Variants in SNAI3 observed in about 807,000 individuals in gnomAD.
SNAI3 encodes the protein zinc finger protein SNAI3.
SNAI3 carries 21 observed loss-of-function variants against 16.4 expected under a neutral mutation model. That is an observed-to-expected ratio of 1.28 (90% confidence interval 0.91 to 1.85). The LOEUF is 1.85. Among genes scored for constraint, SNAI3 ranks in the 40% most tolerant of loss-of-function variants. SNAI3 has a pLI of 0.00. For missense variants in SNAI3, 457 were observed against 372.8 expected, an observed-to-expected ratio of 1.23 and a Z score of -1.86; for synonymous variants, 202 against 166.6, an observed-to-expected ratio of 1.21 and a Z score of -1.64.
In SNAI3 at chr16:88,678,329, A is replaced by T; in HGVS notation, c.*119T>A. ...TTCTGATTGGACGCAGATGTGGAGG[A>T]CGCACCAAGTGTGAGGCCAGGCCCC... On this transcript the variant is annotated 3_prime_UTR_variant, in exon 3 of 3. Coordinates refer to ENST00000332281, the MANE Select transcript of SNAI3 (RefSeq NM_178310.4). 1 of 601,342 alleles carries T rather than the reference A, an allele frequency of 1.7e-6. No individual in the cohort carries two copies. 37.3% of individuals were successfully genotyped at this position (601,342 alleles called of 1,614,324 possible).
Position 88,684,655 on chromosome 16 carries a change from C to T in SNAI3, c.76+1676G>A, listed in dbSNP as rs546820060. Among the ~76,000 whole-genome samples, 20 of 152,248 alleles carry T rather than the reference C, an allele frequency of 1.3e-4. 1 individual carries two copies. The South Asian group carries it at 3.7e-3, about 28-fold the overall frequency. ...GGATTATAGGCACCCGCCAGCACACCGGGGTAACTTCTGTATTTTTAGTAG... is the reference window on the plus strand; with the variant it reads ...GGATTATAGGCACCCGCCAGCACACTGGGGTAACTTCTGTATTTTTAGTAG... On this transcript the variant is annotated intron_variant, in intron 1 of 2. Transcript: ENST00000332281.
Position 88,681,751 on chromosome 16 carries a change from A to G in SNAI3, c.77-37T>C. ...GAGGGGAGAGAATAGAAAGATGAAG[A>G]CTGAATCCCCAGCACTTTGTGTTTT... On this transcript the variant is annotated intron_variant, in intron 1 of 2. Coordinates refer to ENST00000332281, the MANE Select transcript of SNAI3 (RefSeq NM_178310.4). The surrounding 1 kb of genome is among the most constrained non-coding windows in gnomAD (Gnocchi z 5.4). 3.6e-6 allele frequency: 5 copies of G among 1,380,840 alleles called. No homozygotes were observed. The highest frequency in any genetic ancestry group is 5.5e-5 in the Admixed American group (2 of 36,376). 85.5% of individuals were successfully genotyped at this position (1,380,840 alleles called of 1,614,324 possible).
At position 88,686,432 on chromosome 16, in the gene SNAI3, G is replaced by A. The variant is rs1909366620; in HGVS notation, c.-26C>T. ...GTTCCCCTCCCGGGCGGCAGGCCGG[G>A]GTGGGCTGGGGCGGGAGGGGCGCGC... On this transcript the variant is annotated 5_prime_UTR_variant, in exon 1 of 3. Transcript: ENST00000332281. The A allele has an allele frequency of 1.9e-6, 3 of 1,604,780 alleles. No individual in the cohort carries two copies. Among genetic ancestry groups the A allele is most frequent in the South Asian group, 1.1e-5 (1 of 90,744 alleles).
intron 1 of SNAI3, 93 bp downstream of exon 1, chr16:88,686,238 G>A (rs1285685124): frequency 6.8e-7 from 1 of 1,465,798 alleles, no homozygotes; most frequent in African/African-American, 1.4e-5. Context: ...TGGGACAGGT[G>A]TCTCCCCAGC....
chr16:88,680,033 A>G (rs931388775), intron 2 of SNAI3, among the ~76,000 whole-genome samples: 1 of 151,730 alleles, frequency 6.6e-6, no homozygotes, highest in Non-Finnish European at 1.5e-5. Context: ...GTGAGCTGCA[A>G]TCAAACCACT....
Position 88,686,481 on chromosome 16 carries a change from C to T in SNAI3, c.-75G>A. On this transcript the variant is annotated 5_prime_UTR_variant, in exon 1 of 3. Transcript: ENST00000332281. Reference sequence around the variant, plus strand: ...GCCTGGGTCCGGACTGCTGCGTCCGCCGGCGCTTGAAGGGGTCAGGCTCAT... The same window carrying T: ...GCCTGGGTCCGGACTGCTGCGTCCGTCGGCGCTTGAAGGGGTCAGGCTCAT... The T allele has an allele frequency of 6.4e-7, 1 of 1,567,862 alleles. No individual in the cohort carries two copies. The highest frequency in any genetic ancestry group is 2.3e-5 in the East Asian group (1 of 43,002).
chr16:88,683,921 A>G (rs1278272607), intron 1 of SNAI3, among the ~76,000 whole-genome samples: 3 of 152,206 alleles, frequency 2.0e-5, no homozygotes, highest in African/African-American at 7.2e-5. Flanking sequence ...AACACATGCA[A>G]AGATGCTCAA....
Position 88,681,853 on chromosome 16 carries a change from G to C in SNAI3, c.77-139C>G. 1 of 1,006,164 alleles carries C rather than the reference G, an allele frequency of 9.9e-7. No homozygotes were observed. The highest frequency in any genetic ancestry group is 3.1e-5 in the East Asian group (1 of 32,126). The allele number at this position is 1,006,164 out of a possible 1,614,324, so 62.3% of individuals were successfully genotyped here. A position where few individuals can be genotyped will look rare whatever the true frequency, so the allele number is the denominator to read the frequency against. On this transcript the variant is annotated intron_variant, in intron 1 of 2. Transcript: ENST00000332281. This position sits in a 1 kb window ranked among gnomAD's most constrained non-coding sequence, Gnocchi z 5.4. ...AGGTGTAGCCGGGAACCTGCATGCA[G>C]ACCCAGCTTGCAAGGGAGCTGGCGG...
At chr16:88,683,989 GA>G (rs1597394375) in intron 1 of SNAI3, among the ~76,000 whole-genome samples, 1 of 152,168 alleles carries the variant, frequency 6.6e-6, no homozygotes, top group Non-Finnish European at 1.5e-5. Flanking sequence ...CAGTAGAACT[GA>G]AAAAAATTGA....
chr16:88,681,237 C>G lies in SNAI3; in HGVS notation c.554G>C (p.Cys185Ser), dbSNP rs888663892. The G allele has an allele frequency of 6.2e-7, 1 of 1,613,700 alleles. No individual in the cohort carries two copies. Among genetic ancestry groups the G allele is most frequent in the Non-Finnish European group, 8.5e-7 (1 of 1,180,030 alleles). Reference protein sequence around the residue: ...CHLQVGRVFTCKYCDKEYTSL... With the variant: ...CHLQVGRVFTSKYCDKEYTSL... ...GGTGTACTCCTTGTCGCAGTACTTG[C>G]AGGTGAAGACACGCCCCACCTGCAG... Residue 185 changes from cysteine to serine, a missense_variant, in exon 2 of 3, where the codon TGC (cysteine) becomes TCC (serine). Physicochemically the swap from Cys to Ser is moderately radical, Grantham distance 112. Coordinates refer to ENST00000332281, the MANE Select transcript of SNAI3 (RefSeq NM_178310.4). This position sits in a 1 kb window ranked among gnomAD's most constrained non-coding sequence, Gnocchi z 5.4.
chr16:88,680,275 A>ATTTTTTTTTTTTTTTT (rs560411217), intron 2 of SNAI3, among the ~76,000 whole-genome samples: 1 of 55,102 alleles, frequency 1.8e-5, no homozygotes, highest in Non-Finnish European at 3.1e-5. Context: ...TATGTTTTTG[A>ATTTTTTTTTTTTTTTT]TTTTTTTTTT....
chr16:88,681,214 T>C lies in SNAI3; in HGVS notation c.577A>G (p.Thr193Ala). The C allele has an allele frequency of 6.2e-7, 1 of 1,613,818 alleles. No homozygotes were observed. Among genetic ancestry groups the C allele is most frequent in the African/African-American group, 1.3e-5 (1 of 75,030 alleles). ...FTCKYCDKEY[T>A]SLGALKMHIR... Reference sequence around the variant, plus strand: ...TGCATCTTGAGGGCACCCAGGCTGGTGTACTCCTTGTCGCAGTACTTGCAG... The same window carrying C: ...TGCATCTTGAGGGCACCCAGGCTGGCGTACTCCTTGTCGCAGTACTTGCAG... The change falls in exon 2 of 3, where the codon ACC becomes GCC. Residue 193 changes from threonine (T) to alanine (A), a missense_variant. By Grantham distance (58) the Thr-to-Ala change is moderately conservative. Transcript: ENST00000332281. This position sits in a 1 kb window ranked among gnomAD's most constrained non-coding sequence, Gnocchi z 5.4.
At chr16:88,686,033 G>T in intron 1 of SNAI3, 1 of 338,798 alleles carries the variant, frequency 3.0e-6, no homozygotes. Flanking sequence ...GGGACGGGCG[G>T]CTGTATATCA....
chr16:88,683,184 C>G (rs1597393995), intron 1 of SNAI3, among the ~76,000 whole-genome samples: 1 of 151,522 alleles, frequency 6.6e-6, no homozygotes, highest in East Asian at 1.9e-4. Flanking sequence ...CCTCCACCTC[C>G]CAGGTCCAAA....
In SNAI3 at chr16:88,680,586, GTTTT is replaced by G. The variant is rs552740023; in HGVS notation, c.697+504_697+507del. Among the ~76,000 whole-genome samples, 18 of 151,500 alleles carry G rather than the reference GTTTT, an allele frequency of 1.2e-4. No homozygotes were observed. In the South Asian group the frequency reaches 3.6e-3, roughly 30 times the overall value. ...AGGCGTGAGCCTCCATGCCTGGTGG[GTTTT>G]TTTGTTTTGTTTTGTTTTTTTGTTT... On this transcript the variant is annotated intron_variant, in intron 2 of 2. Coordinates refer to ENST00000332281, the MANE Select transcript of SNAI3 (RefSeq NM_178310.4).
At chr16:88,680,274 G>GTTT (rs1283235685) in intron 2 of SNAI3, among the ~76,000 whole-genome samples, 3 of 66,504 alleles carry the variant, frequency 4.5e-5, no homozygotes, top group Admixed American at 1.7e-4. Context: ...TTATGTTTTT[G>GTTT]ATTTTTTTTT....
intron 2 of SNAI3, among the ~76,000 whole-genome samples, chr16:88,680,892 C>G (rs865910258): frequency 1.1e-4 from 17 of 152,198 alleles, no homozygotes; most frequent in African/African-American, 4.1e-4. Context: ...CCTGCACTGG[C>G]CCCTGCTGAC....
At chr16:88,685,459 C>T (rs2142950406) in intron 1 of SNAI3, 2 of 152,460 alleles carry the variant, frequency 1.3e-5, no homozygotes, top group African/African-American at 4.8e-5. Flanking sequence ...CCCCCACCGG[C>T]CACAGAGCGT....
intron 2 of SNAI3, among the ~76,000 whole-genome samples, chr16:88,679,828 C>G (rs936139827): frequency 1.3e-5 from 2 of 151,440 alleles, no homozygotes; most frequent in African/African-American, 2.4e-5. Flanking sequence ...GCCTGTAATC[C>G]CAGCACTTTG....
Sources: allele counts gnomAD v4.1 joint callset (sites outside exome capture counted in the v4.1 genomes callset), GRCh38; gene constraint gnomAD v4.1.1; non-coding constraint Gnocchi (gnomAD v3.1); transcripts MANE v1.5; gene names NCBI Gene and HGNC (gene_info 2026-07-23, HGNC 2026-07-21).